The following ZNF567 variants were observed in gnomAD, a reference collection of about 807,000 sequenced individuals.
The protein encoded by ZNF567 is zinc finger protein 567.
ZNF567 carries 36 observed loss-of-function variants against 53.9 expected under a neutral mutation model. The observed-to-expected ratio is 0.67, with a 90% CI of 0.51 to 0.88. The LOEUF (loss-of-function observed/expected upper bound fraction) is 0.88, where lower values mean the gene tolerates loss of function less well. Among genes scored for constraint, ZNF567 ranks in the 40% least tolerant of loss-of-function variants. ZNF567 has a pLI of 0.00. For missense variants in ZNF567, 619 were observed against 764.7 expected (o/e 0.81, Z 2.25); for synonymous variants, 224 against 260.4 (o/e 0.86, Z 1.35).
intron 1 of ZNF567, among the ~76,000 whole-genome samples, chr19:36,688,606 GAACATCCTGGTT>G: frequency 6.6e-6 from 1 of 151,872 alleles, no homozygotes; most frequent in South Asian, 2.1e-4. Flanking sequence ...AGGAGATCGA[GAACATCCTGGTT>G]AACATGGTGA....
At chr19:36,717,723 A>G (rs773562868) in intron 5 of ZNF567, among the ~76,000 whole-genome samples, 19 of 152,224 alleles carry the variant, frequency 1.2e-4, no homozygotes, top group Admixed American at 5.9e-4. Flanking sequence ...AGAAATAGCT[A>G]TACTTTTATA....
intron 2 of ZNF567, among the ~76,000 whole-genome samples, chr19:36,693,127 A>G (rs950012185): frequency 4.7e-5 from 7 of 147,968 alleles, no homozygotes; most frequent in Admixed American, 6.7e-5. Context: ...ATTTCTACCA[A>G]AAAAAAAAAA....
At chr19:36,699,712 G>A (rs889117948) in intron 3 of ZNF567, among the ~76,000 whole-genome samples, 1 of 151,990 alleles carries the variant, frequency 6.6e-6, no homozygotes, top group Non-Finnish European at 1.5e-5. Context: ...CTCATGATTT[G>A]GCTCTCTGTT....
downstream of ZNF567, among the ~76,000 whole-genome samples, chr19:36,726,713 A>G (rs1475149955): frequency 6.6e-6 from 1 of 152,232 alleles, no homozygotes; most frequent in Non-Finnish European, 1.5e-5. Flanking sequence ...ACACTGGCCC[A>G]GCAGGTAGTT....
chr19:36,701,229 G>A (rs1427317884), intron 3 of ZNF567, among the ~76,000 whole-genome samples: 9 of 152,048 alleles, frequency 5.9e-5, no homozygotes, highest in Non-Finnish European at 1.0e-4. Flanking sequence ...TTAGTTGAGC[G>A]GTTTTGAGTG....
At chr19:36,687,585 A>G (rs1182195180), upstream of ZNF567, 1 of 152,324 alleles carries the variant, frequency 6.6e-6, no homozygotes, top group African/African-American at 2.4e-5. Context: ...CCTGGGAGGC[A>G]TCGTCCGCGT....
chr19:36,690,396 C>T (rs1192063335), intron 2 of ZNF567, among the ~76,000 whole-genome samples: 3 of 152,194 alleles, frequency 2.0e-5, no homozygotes, highest in Admixed American at 2.0e-4. Flanking sequence ...AGTTCAAGAC[C>T]AGCCTGGGCA....
At chr19:36,674,698 G>T in the ZNF567 span, among the ~76,000 whole-genome samples, 1 of 151,998 alleles carries the variant, frequency 6.6e-6, no homozygotes, top group African/African-American at 2.4e-5. Flanking sequence ...TAACATAAGA[G>T]AAATAATTCA....
upstream of ZNF567, chr19:36,686,841 CAG>C (rs2038284841): frequency 2.0e-5 from 3 of 152,282 alleles, no homozygotes; most frequent in South Asian, 4.1e-4. Context: ...GCTGGGAACT[CAG>C]AGATGCAGAG....
intron 3 of ZNF567, among the ~76,000 whole-genome samples, chr19:36,695,381 T>G (rs1568686253): frequency 6.6e-6 from 1 of 151,596 alleles, no homozygotes; most frequent in African/African-American, 2.4e-5. Context: ...ATATAAAAAT[T>G]AGCTGGGCTT....
chr19:36,692,115 A>G (rs750579082), intron 2 of ZNF567, among the ~76,000 whole-genome samples: 10 of 152,238 alleles, frequency 6.6e-5, no homozygotes, highest in Admixed American at 1.3e-4. Flanking sequence ...TGCTACGAAC[A>G]TTCACATTCG....
chr19:36,708,708 T>C (rs2039622851), intron 3 of ZNF567, among the ~76,000 whole-genome samples: 1 of 152,230 alleles, frequency 6.6e-6, no homozygotes, highest in Non-Finnish European at 1.5e-5. Flanking sequence ...GAATGCCATT[T>C]GGTTAGAATC....
chr19:36,721,907 G>A (rs558716309), downstream of ZNF567, among the ~76,000 whole-genome samples: 3 of 152,086 alleles, frequency 2.0e-5, no homozygotes, highest in South Asian at 6.2e-4. Flanking sequence ...ATCACGCCCA[G>A]CTAATTTTTG....
intron 2 of ZNF567, among the ~76,000 whole-genome samples, chr19:36,691,348 A>G (rs940205459): frequency 2.0e-5 from 3 of 151,632 alleles, no homozygotes; most frequent in African/African-American, 7.3e-5. Context: ...TTATTTTTGT[A>G]CAGTTGGGGG....
At chr19:36,675,089 A>G in the ZNF567 span, among the ~76,000 whole-genome samples, 1 of 152,298 alleles carries the variant, frequency 6.6e-6, no homozygotes, top group African/African-American at 2.4e-5. Context: ...AAAATCTTCC[A>G]TTTAATAAAA....
chr19:36,687,008 A>G (rs1293645630), upstream of ZNF567, among the ~76,000 whole-genome samples: 2 of 152,174 alleles, frequency 1.3e-5, no homozygotes, highest in Non-Finnish European at 2.9e-5. Context: ...TAACATAGGC[A>G]TGGATCATAG....
downstream of ZNF567, among the ~76,000 whole-genome samples, chr19:36,722,852 A>G (rs996384995): frequency 6.6e-6 from 1 of 152,032 alleles, no homozygotes; most frequent in Non-Finnish European, 1.5e-5. Context: ...AGTAGCACAC[A>G]GAAAACACAC....
rs567548877 is a variant in ZNF567, at chr19:36,718,455, C to T, written c.224-493C>T. On this transcript the variant is annotated intron_variant, in intron 5 of 5. Coordinates refer to ENST00000682579, the MANE Select transcript of ZNF567 (RefSeq NM_001322917.1). ...CAGAGGTTGCAGTGAGCCGAGATCA[C>T]GCCACTGCACTCCAGCCTGGGTGAC... 6.6e-5 allele frequency among the ~76,000 whole-genome samples: 10 copies of T among 152,144 alleles called. No homozygotes were observed. The South Asian group carries it at 1.9e-3, about 28-fold the overall frequency.
At chr19:36,706,840 G>A (rs1331424677) in intron 3 of ZNF567, among the ~76,000 whole-genome samples, 1 of 151,496 alleles carries the variant, frequency 6.6e-6, no homozygotes, top group Non-Finnish European at 1.5e-5. Context: ...ATTTTTTATA[G>A]AGGTGGGGTC....
Sources: allele counts gnomAD v4.1 joint callset (sites outside exome capture counted in the v4.1 genomes callset), GRCh38; gene constraint gnomAD v4.1.1; transcripts MANE v1.5; gene names NCBI Gene and HGNC (gene_info 2026-07-23, HGNC 2026-07-21).